The following ZW10 variants were observed in gnomAD, a reference collection of about 807,000 sequenced individuals.
ZW10 encodes the protein centromere/kinetochore protein zw10 homolog.
ZW10 carries 53 observed loss-of-function variants against 87.8 expected under a neutral mutation model. The ratio of observed to expected loss-of-function variants is 0.60; its 90% CI spans 0.48 to 0.76. The LOEUF is 0.76. ZW10 is among the 30% of genes least tolerant of loss of function. The probability of loss-of-function intolerance (pLI) is 0.00; values close to 1 mark genes in which losing one functional copy is unlikely to be tolerated. For synonymous variants in ZW10, 312 were observed against 329.2 expected (o/e 0.95, Z 0.57); for missense variants, 837 against 923.0 (o/e 0.91, Z 1.21).
chr11:113,769,090 C>A, intron 1 of ZW10, 123 bp from the exon 2 acceptor site: 1 of 913,650 alleles, frequency 1.1e-6, no homozygotes, highest in South Asian at 1.7e-5. Flanking sequence ...TGCCTATACC[C>A]ATTCACTTTC....
rs58651654 is a variant in ZW10, at chr11:113,772,818, C to CAAA, written c.105+741_105+743dup. ...TGAAACTCCGTCTGTACTAAAAATACAAAAAAAAAAAAAAAAAAATTAGCC... is the reference window on the plus strand; with the variant it reads ...TGAAACTCCGTCTGTACTAAAAATACAAAAAAAAAAAAAAAAAAAAAATTAGCC... On this transcript the variant is annotated intron_variant, in intron 1 of 15. Transcript: ENST00000200135. 5.9e-3 allele frequency among the ~76,000 whole-genome samples: 552 copies of CAAA among 93,528 alleles called. 8 individuals carry two copies. Among genetic ancestry groups the CAAA allele is most frequent in the South Asian group, 0.044 (119 of 2,730 alleles). The allele number at this position is 93,528 out of a possible 152,430, so 61.4% of individuals were successfully genotyped here. A position where few individuals can be genotyped will look rare whatever the true frequency, so the allele number is the denominator to read the frequency against.
At chr11:113,771,033 T>C (rs1040437279) in intron 1 of ZW10, among the ~76,000 whole-genome samples, 4 of 144,528 alleles carry the variant, frequency 2.8e-5, no homozygotes, top group Non-Finnish European at 6.0e-5. Context: ...ACTGCAGTGG[T>C]GGAGCAATCT....
At chr11:113,756,744 C>T (rs1421553525) in intron 7 of ZW10, among the ~76,000 whole-genome samples, 1 of 152,136 alleles carries the variant, frequency 6.6e-6, no homozygotes, top group East Asian at 1.9e-4. Context: ...GATATTTGGA[C>T]CAAATCATCT....
intron 11 of ZW10, among the ~76,000 whole-genome samples, chr11:113,739,892 A>G (rs982001766): frequency 6.6e-5 from 10 of 152,228 alleles, no homozygotes; most frequent in Middle Eastern, 3.2e-3. Context: ...ACAAGCTCTA[A>G]GAGTGAAATC....
In ZW10 at chr11:113,736,813, T is replaced by C. The variant is rs1342528011; in HGVS notation, c.2026A>G (p.Thr676Ala). Residue 676 changes from threonine to alanine, a missense_variant, in exon 15 of 16, where the codon ACT becomes GCT. By Grantham distance (58) the Thr-to-Ala change is moderately conservative. Coordinates refer to ENST00000200135, the MANE Select transcript of ZW10 (RefSeq NM_004724.4). ...GAATATAACCTATCACCATCTTCAG[T>C]AGATATGTCCTGGTTTTGCACAGAG... ...GKITALEDIS[T>A]EDGDRLYSLC... 7 of 1,614,104 alleles carry C rather than the reference T, an allele frequency of 4.3e-6. No homozygotes were observed. Among genetic ancestry groups the C allele is most frequent in the Non-Finnish European group, 5.9e-6 (7 of 1,179,992 alleles).
At position 113,768,816 on chromosome 11, in the gene ZW10, T is replaced by C. The variant is rs775476179; in HGVS notation, c.240+17A>G. The stretch of plus-strand genomic sequence containing the variant: ...CACCTCCCTACAAACCTACCCAATA[T>C]AACAAATTATCCTTACCTCACTCTC... On this transcript the variant is annotated intron_variant, in intron 2 of 15. Coordinates refer to ENST00000200135, the MANE Select transcript of ZW10 (RefSeq NM_004724.4). The C allele has an allele frequency of 5.6e-6, 9 of 1,613,388 alleles. No individual in the cohort carries two copies. Among genetic ancestry groups the C allele is most frequent in the Non-Finnish European group, 7.6e-6 (9 of 1,179,704 alleles).
intron 11 of ZW10, 90 bp from the exon 12 acceptor site, chr11:113,739,472 T>A: frequency 8.6e-7 from 1 of 1,163,086 alleles, no homozygotes; most frequent in Non-Finnish European, 1.2e-6. Context: ...AATGTATTTC[T>A]AGGCTTTAAT....
At chr11:113,770,272 A>G in intron 1 of ZW10, 1 of 151,376 alleles carries the variant, frequency 6.6e-6, no homozygotes, top group Non-Finnish European at 1.5e-5. Context: ...TATTTTTAGT[A>G]GAGACAGGGT....
In ZW10 at chr11:113,744,002, G is replaced by T. The variant is rs781507067; in HGVS notation, c.1311C>A (p.Pro437=). 3 of 1,613,856 alleles carry T rather than the reference G, an allele frequency of 1.9e-6. No homozygotes were observed. Among genetic ancestry groups the T allele is most frequent in the Non-Finnish European group, 2.5e-6 (3 of 1,179,798 alleles). ...PDSKINVPEL[P]TPDEDNKLEV... is the part of the protein sequence containing the mutation. ...CCAGTTTGTTATCCTCATCAGGAGT[G>T]GGTAACTCTGGCACATTTATCTTAG... The change falls in exon 10 of 16, where the codon CCC becomes CCA. Residue 437 remains proline, a synonymous_variant. Coordinates refer to ENST00000200135, the MANE Select transcript of ZW10 (RefSeq NM_004724.4).
At chr11:113,747,040 AAAG>A (rs373683000) in intron 9 of ZW10, among the ~76,000 whole-genome samples, 8 of 152,302 alleles carry the variant, frequency 5.3e-5, no homozygotes, top group African/African-American at 1.9e-4. Context: ...ATGAAAAAAA[AAAG>A]GTCAAAGGTC....
chr11:113,747,807 C>T, intron 8 of ZW10, 94 bp from the exon 9 acceptor site: 1 of 1,038,324 alleles, frequency 9.6e-7, no homozygotes, highest in Non-Finnish European at 1.4e-6. Context: ...AAATGAGGAC[C>T]AAGCTGGTCA....
chr11:113,741,129 T>A (rs1001733670), intron 11 of ZW10, among the ~76,000 whole-genome samples: 2 of 152,132 alleles, frequency 1.3e-5, no homozygotes, highest in East Asian at 3.9e-4. Context: ...GCTTTTGTTT[T>A]TTTTTTTGGT....
At chr11:113,773,467 T>C in intron 1 of ZW10, 95 bp downstream of exon 1, 1 of 1,042,384 alleles carries the variant, frequency 9.6e-7, no homozygotes, top group African/African-American at 1.6e-5. Flanking sequence ...TGGTCCCCAC[T>C]CTGTCTGCCC....
intron 9 of ZW10, among the ~76,000 whole-genome samples, chr11:113,747,072 T>C (rs1013521089): frequency 2.0e-5 from 3 of 152,150 alleles, no homozygotes; most frequent in Non-Finnish European, 4.4e-5. Context: ...TTACAGGTAA[T>C]TATTTATATC....
intron 1 of ZW10, among the ~76,000 whole-genome samples, chr11:113,770,846 A>AATG (rs1487624165): frequency 6.6e-6 from 1 of 151,512 alleles, no homozygotes; most frequent in African/African-American, 2.4e-5. Context: ...AAAAAAAAGA[A>AATG]ATGATGCTGC....
chr11:113,741,838 T>C, intron 10 of ZW10, 73 bp from the exon 11 acceptor site: 1 of 1,041,096 alleles, frequency 9.6e-7, no homozygotes, highest in African/African-American at 1.6e-5. Context: ...TTAAACTAAG[T>C]GCATCTTCAG....
intron 6 of ZW10, among the ~76,000 whole-genome samples, chr11:113,758,347 C>CAAA (rs561325713): frequency 1.8e-5 from 2 of 109,200 alleles, no homozygotes; most frequent in Non-Finnish European, 1.9e-5. Context: ...ATTCAAAAAC[C>CAAA]AAAAAAAAAA....
At position 113,757,724 on chromosome 11, in the gene ZW10, G is replaced by A. The variant is rs766757468; in HGVS notation, c.863C>T (p.Ser288Leu). ...GATCTTTGTAAAAACTTCAGATGGTGATGGATATTCCAAGTTAGTCATTAT... is the reference window on the plus strand; with the variant it reads ...GATCTTTGTAAAAACTTCAGATGGTAATGGATATTCCAAGTTAGTCATTAT... ...ESIMTNLEYP[S>L]PSEVFTKIRL... The change falls in exon 7 of 16, where the codon TCA becomes TTA. Residue 288 changes from serine to leucine, a missense_variant. By Grantham distance (145) the Ser-to-Leu change is moderately radical (BLOSUM62 -2). Transcript: ENST00000200135. 2 of 1,613,290 alleles carry A rather than the reference G, an allele frequency of 1.2e-6. No homozygotes were observed. Among genetic ancestry groups the A allele is most frequent in the Non-Finnish European group, 1.7e-6 (2 of 1,179,492 alleles).
chr11:113,765,113 C>G (rs115644452), intron 2 of ZW10, among the ~76,000 whole-genome samples: 1 of 152,196 alleles, frequency 6.6e-6, no homozygotes, highest in Admixed American at 6.5e-5. Context: ...ATGTACAGGA[C>G]AGACCTCTAC....
Sources: allele counts gnomAD v4.1 joint callset (sites outside exome capture counted in the v4.1 genomes callset), GRCh38; gene constraint gnomAD v4.1.1; transcripts MANE v1.5; gene names NCBI Gene and HGNC (gene_info 2026-07-23, HGNC 2026-07-21).